CDX2: variants seen among roughly 807,000 people sequenced by gnomAD.
CDX2 encodes the protein caudal type homeobox 2.
Under a neutral mutation model 25.5 loss-of-function variants are expected in CDX2, and 7 were observed. The observed-to-expected ratio is 0.27, with a 90% CI of 0.16 to 0.52. The LOEUF is 0.52. Among genes scored for constraint, CDX2 ranks in the 20% least tolerant of loss-of-function variants. The pLI is 0.97. For missense variants in CDX2, 375 were observed against 431.4 expected, an observed-to-expected ratio of 0.87 and a Z score of 1.16; for synonymous variants, 222 against 198.6, an observed-to-expected ratio of 1.12 and a Z score of -0.99.
Position 27,961,473 on chromosome 13 carries a change from C to T in CDX2, c.*1642G>A, listed in dbSNP as rs1170551299. ...GGCTGCAGCCCGGTCCCCAGTGGAT[C>T]GGCCAGATAACAAGAAACTGTCACT... On this transcript the variant is annotated 3_prime_UTR_variant, in exon 3 of 3. Coordinates refer to ENST00000381020, the MANE Select transcript of CDX2 (RefSeq NM_001265.6). Among the ~76,000 whole-genome samples, 1 of 152,096 alleles carries T rather than the reference C, an allele frequency of 6.6e-6. No homozygotes were observed. Among genetic ancestry groups the T allele is most frequent in the African/African-American group, 2.4e-5 (1 of 41,408 alleles).
chr13:27,965,048 T>A (rs2481953), intron 1 of CDX2, 33 bp from the exon 2 acceptor site: 1,264,035 of 1,606,198 alleles, frequency 0.79, 503,136 homozygotes, highest in South Asian at 0.88. Flanking sequence ...GGCTGAGAAC[T>A]GCAAGGCAGC....
chr13:27,965,783 G>A (rs1467439623), intron 1 of CDX2, among the ~76,000 whole-genome samples: 1 of 152,216 alleles, frequency 6.6e-6, no homozygotes, highest in Non-Finnish European at 1.5e-5. Flanking sequence ...TTACTGAAGG[G>A]CCTTGACAAA....
At chr13:27,963,515 C>A in intron 2 of CDX2, 146 bp from the exon 3 acceptor site, 1 of 661,422 alleles carries the variant, frequency 1.5e-6, no homozygotes, top group Non-Finnish European at 2.5e-6. Context: ...ATCCCCATAA[C>A]AGCCCAACCC....
intron 1 of CDX2, 83 bp downstream of exon 1, chr13:27,968,383 C>T: frequency 7.3e-7 from 1 of 1,365,028 alleles, no homozygotes; most frequent in Non-Finnish European, 9.4e-7. Context: ...CCCCTGTGCG[C>T]ACTGGACGCG....
chr13:27,965,658 C>G (rs2137538968), intron 1 of CDX2, among the ~76,000 whole-genome samples: 1 of 152,336 alleles, frequency 6.6e-6, no homozygotes, highest in Non-Finnish European at 1.5e-5. Context: ...GCGTTTGGTA[C>G]TTTTTCTTTT....
chr13:27,967,157 T>A (rs1471153766), intron 1 of CDX2: 1 of 410,556 alleles, frequency 2.4e-6, no homozygotes, highest in Non-Finnish European at 4.8e-6. Context: ...AGACAGGGGC[T>A]GTAGAAAGTG....
chr13:27,963,158 AG>A lies in CDX2; in HGVS notation c.898del (p.Leu300TrpfsTer8). The A allele has an allele frequency of 6.2e-7, 1 of 1,614,148 alleles. No homozygotes were observed. The highest frequency in any genetic ancestry group is 8.5e-7 in the Non-Finnish European group (1 of 1,179,994). On this transcript the variant is annotated frameshift_variant, in exon 3 of 3. Coordinates refer to ENST00000381020, the MANE Select transcript of CDX2 (RefSeq NM_001265.6). LOFTEE classifies it high-confidence loss of function. Reference protein sequence around the residue: ...ASVPGSVPGVLGPTGGVLNPT... With the variant: ...ASVPGSVPGVXGPTGGVLNPT... ...GTTTAGCACCCCCCCAGTTGGCCCC[AG>A]AACCCCAGGGACAGAGCCAGGCACT...
intron 1 of CDX2, among the ~76,000 whole-genome samples, chr13:27,965,671 G>T (rs1869283837): frequency 6.6e-6 from 1 of 152,158 alleles, no homozygotes. Flanking sequence ...TTTCTTTTTT[G>T]ATCCTCCATT....
chr13:27,968,394 C>G, intron 1 of CDX2, 72 bp downstream of exon 1: 4 of 1,383,274 alleles, frequency 2.9e-6, no homozygotes, highest in Non-Finnish European at 3.7e-6. Context: ...ACTGGACGCG[C>G]GACGCGCAGC....
Position 27,963,013 on chromosome 13 carries a change from G to A in CDX2, c.*102C>T. The A allele has an allele frequency of 7.1e-7, 1 of 1,412,180 alleles. No homozygotes were observed. Among genetic ancestry groups the A allele is most frequent in the Non-Finnish European group, 9.3e-7 (1 of 1,071,576 alleles). The allele number at this position is 1,412,180 out of a possible 1,614,324, so 87.5% of individuals were successfully genotyped here. ...TGAGAGCCAGGTCTGTAGGTCTATGGCTGTGGGTGGGAGGGGAGGGGTCTC... is the reference window on the plus strand; with the variant it reads ...TGAGAGCCAGGTCTGTAGGTCTATGACTGTGGGTGGGAGGGGAGGGGTCTC... On this transcript the variant is annotated 3_prime_UTR_variant, in exon 3 of 3. Coordinates refer to ENST00000381020, the MANE Select transcript of CDX2 (RefSeq NM_001265.6).
chr13:27,965,016 C>T lies in CDX2; in HGVS notation c.542-1G>A. On this transcript the variant is annotated splice_acceptor_variant, in intron 1 of 2. Coordinates refer to ENST00000381020, the MANE Select transcript of CDX2 (RefSeq NM_001265.6). LOFTEE classifies it high-confidence loss of function. The stretch of plus-strand genomic sequence containing the variant: ...TATTTGTCTTTCGTCCTGGTTTTCA[C>T]TGTGGAGGAAGGAGAAGTGAGGGCT... 2 of 1,613,840 alleles carry T rather than the reference C, an allele frequency of 1.2e-6. No homozygotes were observed. Among genetic ancestry groups the T allele is most frequent in the Non-Finnish European group, 8.5e-7 (1 of 1,179,856 alleles).
At position 27,969,156 on chromosome 13, in the gene CDX2, G is replaced by C. The variant is rs1566038796; in HGVS notation, c.-150C>G. The C allele has an allele frequency of 1.7e-6, 1 of 578,196 alleles. No homozygotes were observed. The highest frequency in any genetic ancestry group is 3.0e-6 in the Non-Finnish European group (1 of 336,614). 35.8% of individuals were successfully genotyped at this position (578,196 alleles called of 1,614,324 possible). On this transcript the variant is annotated 5_prime_UTR_variant, in exon 1 of 3. Transcript: ENST00000381020. ...CGCGGTGCTCCGCTGGCTCCTCGCG[G>C]CTCTTCTGCCTCCGAGGCGGTCCCT...
At chr13:27,966,471 G>A (rs1390514427) in intron 1 of CDX2, among the ~76,000 whole-genome samples, 1 of 152,246 alleles carries the variant, frequency 6.6e-6, no homozygotes, top group Non-Finnish European at 1.5e-5. Context: ...GATAGTATCA[G>A]GCGGGGTTGG....
Position 27,964,228 on chromosome 13 carries a change from C to G in CDX2, c.687+642G>C, listed in dbSNP as rs1869202059. ...TAGCCTGACTAACATGGAGAAACCG[C>G]ATTTCTACTAAAAATACAAAATTAG... On this transcript the variant is annotated intron_variant, in intron 2 of 2. Transcript: ENST00000381020. The surrounding 1 kb of genome is among the most constrained non-coding windows in gnomAD (Gnocchi z 4.7). 6.6e-6 allele frequency among the ~76,000 whole-genome samples: 1 copy of G among 152,086 alleles called. No individual in the cohort carries two copies. The highest frequency in any genetic ancestry group is 1.5e-5 in the Non-Finnish European group (1 of 68,036).
intron 1 of CDX2, among the ~76,000 whole-genome samples, chr13:27,966,425 C>T (rs1238195678): frequency 6.6e-6 from 1 of 152,244 alleles, no homozygotes; most frequent in Non-Finnish European, 1.5e-5. Flanking sequence ...CCCCTTTTTA[C>T]AGATGAGGAA....
intron 2 of CDX2, among the ~76,000 whole-genome samples, chr13:27,963,758 G>A (rs114279397): frequency 7.5e-4 from 114 of 152,236 alleles, no homozygotes; most frequent in African/African-American, 2.6e-3. Flanking sequence ...AAACTAAAAC[G>A]TAATTTTCCT....
At position 27,961,958 on chromosome 13, in the gene CDX2, G is replaced by A. The variant is rs998950186; in HGVS notation, c.*1157C>T. Among the ~76,000 whole-genome samples the A allele has an allele frequency of 6.6e-6, 1 of 152,188 alleles. No individual in the cohort carries two copies. The highest frequency in any genetic ancestry group is 2.4e-5 in the African/African-American group (1 of 41,444). ...GGCTGGGCTCAGGCTTGGGGGCAGG[G>A]AAGGTCTCAGAACCTGCTCTTTCAG... is the stretch of plus-strand genomic sequence containing the variant. On this transcript the variant is annotated 3_prime_UTR_variant, in exon 3 of 3. Coordinates refer to ENST00000381020, the MANE Select transcript of CDX2 (RefSeq NM_001265.6).
In CDX2 at chr13:27,962,299, GCAA is replaced by G. The variant is rs1869087481; in HGVS notation, c.*813_*815del. 4.3e-6 allele frequency: 1 copy of G among 231,256 alleles called. No individual in the cohort carries two copies. The highest frequency in any genetic ancestry group is 6.1e-5 in the East Asian group (1 of 16,344). 14.3% of individuals were successfully genotyped at this position (231,256 alleles called of 1,614,324 possible). ...ACACAGACCAACAACCCAAACAGCAGCAACAACAACACAAACTCCCCCCACCCC... is the reference window on the plus strand; with the variant it reads ...ACACAGACCAACAACCCAAACAGCAGCAACAACACAAACTCCCCCCACCCC... On this transcript the variant is annotated 3_prime_UTR_variant, in exon 3 of 3. Coordinates refer to ENST00000381020, the MANE Select transcript of CDX2 (RefSeq NM_001265.6).
rs1344424042 is a variant in CDX2, at chr13:27,968,952, G to T, written c.55C>A (p.Arg19Ser). 6 of 1,607,582 alleles carry T rather than the reference G, an allele frequency of 3.7e-6. No homozygotes were observed. The highest frequency in any genetic ancestry group is 1.7e-5 in the Admixed American group (1 of 59,842). Residue 19 changes from arginine (R) to serine (S), a missense_variant, in exon 1 of 3, where the codon CGC (arginine) becomes AGC (serine). This residue lies in a region of CDX2 where 253 missense variants were observed against 247.5 expected (regional missense o/e 1.02). Transcript: ENST00000381020. Reference sequence around the variant, plus strand: ...GCCAGGTTGAGGCCGCCAGAGTGGCGCACGGAGCTAGGGTACATGCTCACG... The same window carrying T: ...GCCAGGTTGAGGCCGCCAGAGTGGCTCACGGAGCTAGGGTACATGCTCACG... Reference protein sequence around the residue: ...KDVSMYPSSVRHSGGLNLAPQ... With the variant: ...KDVSMYPSSVSHSGGLNLAPQ...
Sources: gnomAD v4.1 joint callset for allele counts (sites outside exome capture counted in the v4.1 genomes callset) on GRCh38, gnomAD v4.1.1 for gene constraint, gnomAD v4.1.1 regional missense constraint, Gnocchi (gnomAD v3.1) non-coding constraint, MANE v1.5 for transcripts, NCBI Gene and HGNC (gene_info 2026-07-23, HGNC 2026-07-21) for gene names.